Variants in RANBP2 observed in about 807,000 individuals in gnomAD.
RANBP2 encodes the protein RAN binding protein 2, also known as E3 SUMO-protein ligase RanBP2.
In RANBP2, 57 loss-of-function variants were observed where a neutral mutation model predicts 303.6. The ratio of observed to expected loss-of-function variants is 0.19; its 90% confidence interval spans 0.15 to 0.23. The LOEUF (loss-of-function observed/expected upper bound fraction) is 0.23, where lower values mean the gene tolerates loss of function less well. RANBP2 is among the 10% of genes least tolerant of loss of function. The pLI, the probability that RANBP2 is intolerant of heterozygous loss-of-function variation, is 1.00. For missense variants in RANBP2, 3,138 were observed against 3,780.8 expected (o/e 0.83, Z 4.46); for synonymous variants, 1,167 against 1,301.5 (o/e 0.90, Z 2.23).
the RANBP2 span, among the ~76,000 whole-genome samples, chr2:109,720,770 T>G: frequency 6.6e-6 from 1 of 152,244 alleles, no homozygotes; most frequent in Non-Finnish European, 1.5e-5. Flanking sequence ...CAAGGTTACC[T>G]GATTTGCTCT....
At chr2:109,365,173 C>T in the RANBP2 span, among the ~76,000 whole-genome samples, 1 of 152,220 alleles carries the variant, frequency 6.6e-6, no homozygotes, top group Non-Finnish European at 1.5e-5. Flanking sequence ...AGTGGTTCCT[C>T]TTCCCCTCCC....
intron 7 of RANBP2, 39 bp downstream of exon 7, chr2:108,740,720 G>C (rs1428984178): frequency 1.9e-5 from 30 of 1,597,202 alleles, no homozygotes; most frequent in Non-Finnish European, 2.4e-5. Context: ...ACATTTCACT[G>C]AGTCTTGATG....
At chr2:109,416,763 G>A in the RANBP2 span, among the ~76,000 whole-genome samples, 176 of 152,052 alleles carry the variant, frequency 1.2e-3, 1 homozygote, top group African/African-American at 4.2e-3. Flanking sequence ...AATATTAGCC[G>A]GGGGTGGTAT....
chr2:109,432,687 T>G, the RANBP2 span: 1 of 1,604,896 alleles, frequency 6.2e-7, no homozygotes, highest in East Asian at 2.2e-5. Flanking sequence ...GGCATGGTGG[T>G]GGCAGCCTGG....
chr2:108,930,877 C>A, the RANBP2 span: 7 of 1,429,896 alleles, frequency 4.9e-6, no homozygotes, highest in African/African-American at 9.8e-5. Context: ...GATCAGCATT[C>A]CCATTTTACA....
At chr2:109,107,882 C>T in the RANBP2 span, among the ~76,000 whole-genome samples, 2 of 151,724 alleles carry the variant, frequency 1.3e-5, no homozygotes. Flanking sequence ...ATTACAGGCG[C>T]CTGCCACCAT....
chr2:109,774,505 T>TATATATATATATATA, the RANBP2 span, among the ~76,000 whole-genome samples: 5 of 32,070 alleles, frequency 1.6e-4, 1 homozygote, highest in East Asian at 3.3e-3. Context: ...CAAACATATA[T>TATATATATATATATA]ATATATATAA....
At chr2:108,899,903 T>C in the RANBP2 span, among the ~76,000 whole-genome samples, 3 of 152,046 alleles carry the variant, frequency 2.0e-5, no homozygotes, top group African/African-American at 7.2e-5. Flanking sequence ...GGAGAATCGC[T>C]TGAACCTGGG....
chr2:108,859,292 A>G, the RANBP2 span, among the ~76,000 whole-genome samples: 1 of 152,210 alleles, frequency 6.6e-6, no homozygotes, highest in South Asian at 2.1e-4. Flanking sequence ...TAGATTCTGG[A>G]TATTAGTCCT....
the RANBP2 span, among the ~76,000 whole-genome samples, chr2:109,509,797 A>T: frequency 6.6e-6 from 1 of 152,094 alleles, no homozygotes; most frequent in Non-Finnish European, 1.5e-5. Context: ...ACGCTGAGGC[A>T]CTGGGGGCTA....
chr2:108,905,985 C>T, the RANBP2 span, among the ~76,000 whole-genome samples: 1 of 152,158 alleles, frequency 6.6e-6, no homozygotes, highest in Non-Finnish European at 1.5e-5. Flanking sequence ...TGGACACGGT[C>T]TCTGGGGACA....
the RANBP2 span, among the ~76,000 whole-genome samples, chr2:109,479,161 G>A: frequency 1.3e-5 from 2 of 152,182 alleles, no homozygotes; most frequent in African/African-American, 4.8e-5. Context: ...GGTTCCGAGA[G>A]TGAGTGCACG....
the RANBP2 span, among the ~76,000 whole-genome samples, chr2:109,633,910 AG>A: frequency 6.6e-6 from 1 of 151,950 alleles, no homozygotes; most frequent in Non-Finnish European, 1.5e-5. Context: ...TCACAAGGTT[AG>A]GAGTTCGAGA....
At chr2:109,378,783 G>A in the RANBP2 span, among the ~76,000 whole-genome samples, 1 of 152,152 alleles carries the variant, frequency 6.6e-6, no homozygotes, top group South Asian at 2.1e-4. Context: ...CTGGAAGTTG[G>A]AAATGAAAAC....
the RANBP2 span, among the ~76,000 whole-genome samples, chr2:109,013,215 A>G: frequency 6.6e-6 from 1 of 152,210 alleles, no homozygotes; most frequent in Non-Finnish European, 1.5e-5. Context: ...ACTATGCAAT[A>G]AGGACATCCG....
the RANBP2 span, among the ~76,000 whole-genome samples, chr2:109,488,703 A>G: frequency 6.6e-6 from 1 of 152,214 alleles, no homozygotes; most frequent in Non-Finnish European, 1.5e-5. Context: ...TTCTCTGAGA[A>G]CTAGACTCGG....
At chr2:109,198,574 G>T in the RANBP2 span, among the ~76,000 whole-genome samples, 2 of 152,182 alleles carry the variant, frequency 1.3e-5, no homozygotes, top group South Asian at 2.1e-4. Flanking sequence ...CCTGGAGGTG[G>T]GAAGTTCAAG....
At chr2:109,613,712 G>T in the RANBP2 span, 1 of 927,128 alleles carries the variant, frequency 1.1e-6, no homozygotes, top group Non-Finnish European at 1.4e-6. Context: ...TCCCGGGCCG[G>T]ACCAGGGGGC....
the RANBP2 span, among the ~76,000 whole-genome samples, chr2:109,052,541 G>T: frequency 1.3e-5 from 2 of 152,102 alleles, no homozygotes; most frequent in Non-Finnish European, 2.9e-5. Flanking sequence ...AATGTCTTCT[G>T]GGGCAAATAT....
Sources: gnomAD v4.1 joint callset for allele counts (sites outside exome capture counted in the v4.1 genomes callset) on GRCh38, gnomAD v4.1.1 for gene constraint, MANE v1.5 for transcripts, NCBI Gene and HGNC (gene_info 2026-07-23, HGNC 2026-07-21) for gene names.